PDE11A: variants seen among roughly 807,000 people sequenced by gnomAD.
The protein encoded by PDE11A is phosphodiesterase 11A.
Under a neutral mutation model 100.5 loss-of-function variants are expected in PDE11A, and 100 were observed. The ratio of observed to expected loss-of-function variants is 1.00; its 90% CI spans 0.85 to 1.18. The LOEUF (loss-of-function observed/expected upper bound fraction) is 1.18, where lower values mean the gene tolerates loss of function less well. Among genes scored for constraint, PDE11A ranks in the 50% most tolerant of loss-of-function variants. The pLI, the probability that PDE11A is intolerant of heterozygous loss-of-function variation, is 0.00. For missense variants in PDE11A, 1,141 were observed against 1,152.6 expected (o/e 0.99, Z 0.15); for synonymous variants, 381 against 420.8 (o/e 0.91, Z 1.16).
intron 9 of PDE11A, among the ~76,000 whole-genome samples, chr2:177,801,829 A>T (rs1182429280): frequency 6.6e-6 from 1 of 152,124 alleles, no homozygotes; most frequent in Non-Finnish European, 1.5e-5. Flanking sequence ...AATAGCAATA[A>T]GCTTTAAATT....
At chr2:177,761,816 G>A (rs1029785439) in intron 10 of PDE11A, among the ~76,000 whole-genome samples, 1 of 152,182 alleles carries the variant, frequency 6.6e-6, no homozygotes, top group Non-Finnish European at 1.5e-5. Context: ...GGGAGCATGG[G>A]AAACAGGCTG....
intron 19 of PDE11A, among the ~76,000 whole-genome samples, chr2:177,660,120 TTTC>T (rs1559130822): frequency 2.9e-5 from 3 of 103,646 alleles, no homozygotes; most frequent in African/African-American, 9.9e-5. Flanking sequence ...TCTTTCTTTC[TTTC>T]TTTCTTTCAT....
chr2:178,084,243 C>T (rs886299148), intron 2 of PDE11A, among the ~76,000 whole-genome samples: 5 of 152,212 alleles, frequency 3.3e-5, no homozygotes, highest in African/African-American at 1.2e-4. Context: ...ACCAGAATTA[C>T]AAGAGAAATA....
intron 3 of PDE11A, 36 bp downstream of exon 3, chr2:177,905,062 T>A (rs2084761266): frequency 9.2e-7 from 1 of 1,084,106 alleles, no homozygotes; most frequent in East Asian, 2.4e-5. Context: ...AGAAAGAGAG[T>A]TTTGAGGAGT....
At chr2:177,793,539 A>C (rs2082661712) in intron 9 of PDE11A, among the ~76,000 whole-genome samples, 1 of 2,938 alleles carries the variant, frequency 3.4e-4, no homozygotes, top group Admixed American at 3.7e-3. Context: ...GGGATCTGCA[A>C]AAAAAAAAAA....
At chr2:178,006,641 A>G (rs1190765393) in intron 2 of PDE11A, among the ~76,000 whole-genome samples, 2 of 152,102 alleles carry the variant, frequency 1.3e-5, no homozygotes, top group Non-Finnish European at 2.9e-5. Flanking sequence ...TGTTTTTTTA[A>G]GTTTATTTAT....
intron 2 of PDE11A, among the ~76,000 whole-genome samples, chr2:177,933,540 G>A (rs2085235418): frequency 6.6e-6 from 1 of 152,064 alleles, no homozygotes; most frequent in African/African-American, 2.4e-5. Context: ...AATTAGCTGG[G>A]CATGATGGCT....
intron 12 of PDE11A, among the ~76,000 whole-genome samples, chr2:177,719,545 C>T (rs1254862460): frequency 6.6e-6 from 1 of 152,066 alleles, no homozygotes; most frequent in Non-Finnish European, 1.5e-5. Context: ...TCAGACAATT[C>T]CAAGGGGTTG....
At chr2:177,657,427 C>T (rs2080406359) in intron 19 of PDE11A, among the ~76,000 whole-genome samples, 1 of 152,188 alleles carries the variant, frequency 6.6e-6, no homozygotes, top group South Asian at 2.1e-4. Flanking sequence ...AAAAGAATAG[C>T]CCTACTTGTA....
chr2:177,835,714 C>A (rs1296023775), intron 6 of PDE11A, among the ~76,000 whole-genome samples: 5 of 152,112 alleles, frequency 3.3e-5, no homozygotes, highest in Non-Finnish European at 5.9e-5. Flanking sequence ...ATGGCACTGG[C>A]AGCCCACCAC....
rs1182568975 is a variant in PDE11A, at chr2:177,627,663, T to TG, written c.*1743dup. On this transcript the variant is annotated 3_prime_UTR_variant, in exon 20 of 20. Transcript: ENST00000286063. ...GAGTTTGAGATCAGCCTGGCAAACATGGTGAAACCCTGTGTCTACTAAAAG... is the reference window on the plus strand; with the variant it reads ...GAGTTTGAGATCAGCCTGGCAAACATGGGTGAAACCCTGTGTCTACTAAAAG... The TG allele has an allele frequency of 1.3e-5, 2 of 152,072 alleles. No individual in the cohort carries two copies. Among genetic ancestry groups the TG allele is most frequent in the Non-Finnish European group, 2.9e-5 (2 of 68,030 alleles). The allele number at this position is 152,072 out of a possible 1,614,324, so 9.4% of individuals were successfully genotyped here.
chr2:177,660,117 TTC>T (rs2080462219), intron 19 of PDE11A, among the ~76,000 whole-genome samples: 2 of 95,552 alleles, frequency 2.1e-5, no homozygotes, highest in Non-Finnish European at 4.5e-5. Flanking sequence ...CTCTCTTTCT[TTC>T]TTTCTTTCTT....
intron 19 of PDE11A, among the ~76,000 whole-genome samples, chr2:177,645,293 C>A (rs1287925597): frequency 6.6e-6 from 1 of 152,220 alleles, no homozygotes; most frequent in African/African-American, 2.4e-5. Flanking sequence ...TCAAGTGATT[C>A]TCTTGCCTCA....
At chr2:178,094,095 T>C (rs2087458055) in intron 2 of PDE11A, among the ~76,000 whole-genome samples, 2 of 152,130 alleles carry the variant, frequency 1.3e-5, no homozygotes, top group Admixed American at 6.6e-5. Context: ...AAAAAGATTA[T>C]CTTCATCAGA....
chr2:177,658,707 T>C (rs916824814), intron 19 of PDE11A, among the ~76,000 whole-genome samples: 1 of 132,486 alleles, frequency 7.5e-6, no homozygotes, highest in African/African-American at 2.7e-5. Flanking sequence ...AACTAACTGA[T>C]TTGAGTGGTG....
chr2:178,030,429 C>A (rs75315709), intron 1 of PDE11A, among the ~76,000 whole-genome samples: 15,231 of 152,160 alleles, frequency 0.1, 795 homozygotes, highest in Middle Eastern at 0.15. Context: ...ATCCTCAGAT[C>A]CAGATAGATT....
intron 19 of PDE11A, among the ~76,000 whole-genome samples, chr2:177,642,722 A>G (rs1559122895): frequency 1.3e-5 from 2 of 152,166 alleles, no homozygotes; most frequent in Non-Finnish European, 2.9e-5. Flanking sequence ...CTGTTGGAAT[A>G]TTGATATGGT....
At chr2:177,947,979 T>C (rs1278497838) in intron 2 of PDE11A, among the ~76,000 whole-genome samples, 1 of 151,916 alleles carries the variant, frequency 6.6e-6, no homozygotes, top group Non-Finnish European at 1.5e-5. Flanking sequence ...CCTTCATATA[T>C]GTATATAGAT....
At chr2:178,014,817 T>A (rs1184413916) in intron 1 of PDE11A, among the ~76,000 whole-genome samples, 1 of 152,014 alleles carries the variant, frequency 6.6e-6, no homozygotes, top group African/African-American at 2.4e-5. Context: ...GAGAAATATA[T>A]ACTAAACACT....
Sources: allele counts gnomAD v4.1 joint callset (sites outside exome capture counted in the v4.1 genomes callset), GRCh38; gene constraint gnomAD v4.1.1; transcripts MANE v1.5; gene names NCBI Gene and HGNC (gene_info 2026-07-23, HGNC 2026-07-21).